TSEN15: variants seen among roughly 807,000 people sequenced by gnomAD.
The protein encoded by TSEN15 is tRNA-splicing endonuclease subunit Sen15.
TSEN15 carries 10 observed loss-of-function variants against 20.5 expected under a neutral mutation model. The observed-to-expected ratio is 0.49, with a 90% confidence interval of 0.30 to 0.83. TSEN15 has a LOEUF of 0.83. Ranked by LOEUF, TSEN15 falls within the 40% of genes least tolerant of loss-of-function variation. The pLI, the probability that TSEN15 is intolerant of heterozygous loss-of-function variation, is 0.06. For missense variants in TSEN15, 180 were observed against 218.6 expected (o/e 0.82, Z 1.11); for synonymous variants, 72 against 80.1 (o/e 0.90, Z 0.54).
At chr1:184,091,934 A>G (rs557426357) in intron 3 of TSEN15, among the ~76,000 whole-genome samples, 1 of 152,304 alleles carries the variant, frequency 6.6e-6, no homozygotes, top group South Asian at 2.1e-4. Context: ...AGGTTAATGT[A>G]AGAAAAACCT....
chr1:184,063,715 T>G (rs1330421497), intron 3 of TSEN15, among the ~76,000 whole-genome samples: 1 of 152,172 alleles, frequency 6.6e-6, no homozygotes. Flanking sequence ...AACATTTTAT[T>G]AGCTGTTTGT....
chr1:184,080,746 G>A (rs886603059), intron 3 of TSEN15, among the ~76,000 whole-genome samples: 3 of 152,112 alleles, frequency 2.0e-5, no homozygotes, highest in African/African-American at 7.2e-5. Flanking sequence ...TTCTCTGCTT[G>A]TTGACACTAA....
intron 3 of TSEN15, chr1:184,058,248 AT>A (rs1289276225): frequency 4.9e-6 from 2 of 407,560 alleles, no homozygotes; most frequent in Admixed American, 3.0e-5. Flanking sequence ...TTGGTAAGCC[AT>A]TTTGATGCTG....
chr1:184,067,800 TC>T (rs1650724517), intron 3 of TSEN15, among the ~76,000 whole-genome samples: 2 of 151,094 alleles, frequency 1.3e-5, no homozygotes, highest in South Asian at 4.2e-4. Flanking sequence ...GTGCCTGTAG[TC>T]CCAGCTACTT....
At chr1:184,077,605 A>G (rs900339612), downstream of TSEN15, among the ~76,000 whole-genome samples, 6 of 152,122 alleles carry the variant, frequency 3.9e-5, no homozygotes, top group African/African-American at 1.4e-4. Flanking sequence ...TAGACTGACA[A>G]CCTTCCAGAA....
At chr1:184,088,512 T>G (rs1233345782) in intron 3 of TSEN15, among the ~76,000 whole-genome samples, 1 of 152,016 alleles carries the variant, frequency 6.6e-6, no homozygotes, top group East Asian at 1.9e-4. Context: ...GCCTTGGGAT[T>G]TGACTATTTC....
At chr1:184,075,181 A>G (rs1002075511), downstream of TSEN15, among the ~76,000 whole-genome samples, 1 of 152,006 alleles carries the variant, frequency 6.6e-6, no homozygotes, top group Admixed American at 6.6e-5. Context: ...AACTCTTTAA[A>G]CTAGGATTGA....
intron 3 of TSEN15, among the ~76,000 whole-genome samples, chr1:184,060,577 G>C (rs966855533): frequency 2.6e-5 from 4 of 152,246 alleles, no homozygotes; most frequent in African/African-American, 9.6e-5. Context: ...CATTTGCAGA[G>C]AATGTTACAG....
chr1:184,051,821 C>T lies in TSEN15; in HGVS notation c.66C>T (p.Arg22=), dbSNP rs1241602891. ...GCSGLGPGGV[R]GFGDGGGAPS... is the part of the protein sequence containing the mutation. ...GCGGCCTGGGTCCGGGCGGTGTTCG[C>T]GGCTTTGGCGACGGCGGTGGAGCTC... The change falls in exon 1 of 5, where the codon CGC becomes CGT. Residue 22 remains arginine, a synonymous_variant. Transcript: ENST00000645668. 6.5e-7 allele frequency: 1 copy of T among 1,544,620 alleles called. No homozygotes were observed. Among genetic ancestry groups the T allele is most frequent in the East Asian group, 2.5e-5 (1 of 40,430 alleles).
At chr1:184,075,447 T>TC (rs200909292), downstream of TSEN15, among the ~76,000 whole-genome samples, 1,332 of 152,286 alleles carry the variant, frequency 8.7e-3, 13 homozygotes, top group African/African-American at 0.027. Flanking sequence ...GAACAAGAAA[T>TC]GTATTTTTTA....
rs1210369160 is a variant in TSEN15 at position 184,064,584 on chromosome 1, G to C, written c.354-7573G>C. Among the ~76,000 whole-genome samples, 3 of 152,128 alleles carry C rather than the reference G, an allele frequency of 2.0e-5. No homozygotes were observed. The East Asian group carries it at 5.8e-4, about 29-fold the overall frequency. On this transcript the variant is annotated intron_variant, in intron 3 of 4. Coordinates refer to ENST00000645668, the MANE Select transcript of TSEN15 (RefSeq NM_052965.4). The stretch of plus-strand genomic sequence containing the variant: ...AAACAAACAGCTCTCCTCCTGGGAA[G>C]TAACAGTTCAGGAGAAGCAACCTCT...
intron 3 of TSEN15, chr1:184,095,136 G>A: frequency 2.5e-6 from 1 of 398,348 alleles, no homozygotes; most frequent in South Asian, 1.3e-4. Flanking sequence ...ACTCAGCAGA[G>A]TAACCCATGA....
At chr1:184,068,351 A>G (rs1259052037) in intron 3 of TSEN15, among the ~76,000 whole-genome samples, 5 of 152,038 alleles carry the variant, frequency 3.3e-5, no homozygotes, top group Admixed American at 3.3e-4. Flanking sequence ...TTTAATGACC[A>G]CTATTTTATT....
At position 184,072,931 on chromosome 1, in the gene TSEN15, T is replaced by C. The variant is rs779759434; in HGVS notation, c.*84T>C. The C allele has an allele frequency of 4.3e-6, 6 of 1,386,538 alleles. No homozygotes were observed. Among genetic ancestry groups the C allele is most frequent in the Non-Finnish European group, 6.0e-6 (6 of 999,122 alleles). 85.9% of individuals were successfully genotyped at this position (1,386,538 alleles called of 1,614,324 possible). On this transcript the variant is annotated 3_prime_UTR_variant, in exon 5 of 5. Coordinates refer to ENST00000645668, the MANE Select transcript of TSEN15 (RefSeq NM_052965.4). ...ACTGCTTCATCTTTTATCTCAGAAA[T>C]AGGGTTGACGTACATAGTGAGGGTT...
intron 3 of TSEN15, among the ~76,000 whole-genome samples, chr1:184,088,608 C>G (rs1428315584): frequency 8.2e-6 from 1 of 121,626 alleles, no homozygotes; most frequent in African/African-American, 3.0e-5. Context: ...TGGTAGAGAT[C>G]GAGTTTCACC....
At chr1:184,091,919 A>G (rs1651364470) in intron 3 of TSEN15, among the ~76,000 whole-genome samples, 1 of 152,208 alleles carries the variant, frequency 6.6e-6, no homozygotes, top group Non-Finnish European at 1.5e-5. Context: ...GGCACTTTGA[A>G]GTGGAGGTTA....
downstream of TSEN15, among the ~76,000 whole-genome samples, chr1:184,079,103 C>A (rs1214273715): frequency 6.6e-6 from 1 of 152,156 alleles, no homozygotes; most frequent in Non-Finnish European, 1.5e-5. Context: ...TGGCCAATAA[C>A]CGTTCCTTAC....
intron 3 of TSEN15, among the ~76,000 whole-genome samples, chr1:184,065,738 A>C (rs1650631405): frequency 6.6e-6 from 1 of 152,126 alleles, no homozygotes; most frequent in African/African-American, 2.4e-5. Context: ...AACTTCTTGC[A>C]ATTTCCTGAT....
intron 1 of TSEN15, 103 bp downstream of exon 1, chr1:184,051,993 C>T: frequency 8.6e-7 from 1 of 1,165,590 alleles, no homozygotes; most frequent in Admixed American, 3.8e-5. Context: ...AGACTGAGGA[C>T]GCGCGCCACC....
Sources: gnomAD v4.1 joint callset for allele counts (sites outside exome capture counted in the v4.1 genomes callset) on GRCh38, gnomAD v4.1.1 for gene constraint, MANE v1.5 for transcripts, NCBI Gene and HGNC (gene_info 2026-07-23, HGNC 2026-07-21) for gene names.